Variants in NLGN3 observed in about 807,000 individuals in gnomAD.
NLGN3 encodes neuroligin-3.
Under a neutral mutation model 42.9 loss-of-function variants are expected in NLGN3, and 11 were observed. The observed-to-expected ratio is 0.26, with a 90% CI of 0.16 to 0.42. NLGN3 has a LOEUF of 0.42. NLGN3 is among the 10% of genes least tolerant of loss of function. The pLI is 1.00. For missense variants in NLGN3, 374 were observed against 733.8 expected (o/e 0.51, Z 5.67); for synonymous variants, 279 against 312.7 (o/e 0.89, Z 1.14).
At chrX:71,173,741 T>TG (rs1197288709), downstream of NLGN3, among the ~76,000 whole-genome samples, 1 of 112,354 alleles carries the variant, frequency 8.9e-6, no homozygotes, top group Non-Finnish European at 1.9e-5. Context: ...TTACATACTG[T>TG]GGGGGATAGA....
At chrX:71,172,416 A>C (rs2092472636), downstream of NLGN3, among the ~76,000 whole-genome samples, 1 of 110,893 alleles carries the variant, frequency 9.0e-6, no homozygotes, top group Admixed American at 9.6e-5. Context: ...AGTTAGTATT[A>C]GAAACAGACC....
In NLGN3 at chrX:71,163,903, T is replaced by A. The variant is rs1160974631; in HGVS notation, c.728-240T>A. On this transcript the variant is annotated intron_variant, in intron 5 of 7. Transcript: ENST00000358741. ...CCCACCTGGAGGCATGCACTTCAAA[T>A]GGTCTGCAGACCCCTCCTTCCAAGC... Among the ~76,000 whole-genome samples, 3 of 112,620 alleles carry A rather than the reference T, an allele frequency of 2.7e-5. No individual in the cohort carries two copies. The East Asian group carries it at 8.4e-4, about 31-fold the overall frequency.
In NLGN3 at chrX:71,170,213, G is replaced by A; in HGVS notation, c.*116G>A. The stretch of plus-strand genomic sequence containing the variant: ...CACACACACACACATATATGTATAC[G>A]CACGCACCCACACCCTACAGCAGAT... On this transcript the variant is annotated 3_prime_UTR_variant, in exon 8 of 8. Transcript: ENST00000358741. The A allele has an allele frequency of 3.4e-6, 4 of 1,162,393 alleles. No individual in the cohort carries two copies. Among genetic ancestry groups the A allele is most frequent in the Non-Finnish European group, 4.6e-6 (4 of 877,086 alleles).
At chrX:71,172,581 G>A (rs2092472855), downstream of NLGN3, among the ~76,000 whole-genome samples, 1 of 110,570 alleles carries the variant, frequency 9.0e-6, no homozygotes, top group South Asian at 3.8e-4. Flanking sequence ...GTCTGGAGAA[G>A]AGCATAAATA....
chrX:71,173,852 G>A (rs1467999568), downstream of NLGN3, among the ~76,000 whole-genome samples: 1 of 107,285 alleles, frequency 9.3e-6, no homozygotes, highest in Non-Finnish European at 1.9e-5. Flanking sequence ...AGGTTAAATG[G>A]ATTGGAGAAA....
chrX:71,156,031 A>G (rs777809499), intron 5 of NLGN3, among the ~76,000 whole-genome samples: 40 of 109,996 alleles, frequency 3.6e-4, no homozygotes, highest in African/African-American at 1.3e-3. Flanking sequence ...ACACACACAC[A>G]TGCTCATATA....
At chrX:71,159,649 TATAAG>T (rs1569484798) in intron 5 of NLGN3, among the ~76,000 whole-genome samples, 1 of 111,343 alleles carries the variant, frequency 9.0e-6, no homozygotes, top group East Asian at 2.8e-4. Context: ...GCCGGGTACA[TATAAG>T]ATGTTTGTTT....
At chrX:71,153,311 G>A (rs1207676141) in intron 3 of NLGN3, 166 bp from the exon 4 acceptor site, 2 of 539,426 alleles carry the variant, frequency 3.7e-6, no homozygotes, top group Admixed American at 2.6e-5. Context: ...GAAGGTCTGG[G>A]CCTCAGCCCA....
chrX:71,146,799 G>A (rs947182704), intron 1 of NLGN3, among the ~76,000 whole-genome samples: 1 of 111,621 alleles, frequency 9.0e-6, no homozygotes, highest in African/African-American at 3.3e-5. Context: ...CCCATGCTCC[G>A]TTGTTTATTT....
intron 3 of NLGN3, 41 bp from the exon 4 acceptor site, chrX:71,153,436 T>A: frequency 8.6e-7 from 1 of 1,166,740 alleles, no homozygotes; most frequent in Non-Finnish European, 1.2e-6. Flanking sequence ...TGTTTTGTTC[T>A]CTGTTCTGTG....
At chrX:71,164,386 C>T (rs1376106721) in intron 6 of NLGN3, 58 bp downstream of exon 6, 6 of 1,098,419 alleles carry the variant, frequency 5.5e-6, no homozygotes, top group Non-Finnish European at 7.4e-6. Context: ...CCCAGCATGC[C>T]CCATCCATGC....
chrX:71,155,172 G>A (rs771869723), intron 4 of NLGN3, 42 bp from the exon 5 acceptor site: 5 of 1,205,145 alleles, frequency 4.1e-6, no homozygotes, highest in South Asian at 1.8e-5. Flanking sequence ...GGGGGAGCAA[G>A]GGCATCCCAC....
At chrX:71,168,869 G>GAAAAAGAA (rs375278513) in intron 7 of NLGN3, among the ~76,000 whole-genome samples, 1 of 71,370 alleles carries the variant, frequency 1.4e-5, no homozygotes, top group African/African-American at 6.6e-5. Flanking sequence ...AAGAAAGAAA[G>GAAAAAGAA]AGAAAGAAAA....
At chrX:71,148,929 GGAGA>G (rs751286360) in intron 3 of NLGN3, 24 bp downstream of exon 3, 125 of 945,360 alleles carry the variant, frequency 1.3e-4, no homozygotes, top group South Asian at 4.0e-4. Context: ...CGGCGGGGAG[GGAGA>G]GAGAGAGAGA....
intron 2 of NLGN3, 63 bp from the exon 3 acceptor site, chrX:71,148,782 TG>T (rs1185276093): frequency 1.2e-4 from 120 of 966,505 alleles, no homozygotes; most frequent in Non-Finnish European, 1.5e-4. Context: ...GCCTGGGGGG[TG>T]GGGGGTGCAT....
chrX:71,148,929 GGA>G (rs751286360), intron 3 of NLGN3, 24 bp downstream of exon 3: 9,340 of 865,194 alleles, frequency 0.011, no homozygotes, highest in South Asian at 0.014. Flanking sequence ...CGGCGGGGAG[GGA>G]GAGAGAGAGA....
At position 71,170,708 on chromosome X, in the gene NLGN3, G is replaced by A. The variant is rs1023003142; in HGVS notation, c.*611G>A. On this transcript the variant is annotated 3_prime_UTR_variant, in exon 8 of 8. Transcript: ENST00000358741. ...CTCACACAATCAGACCAAGGAACAAGACCCCCAGGAAGGAAACAGATTTAA... is the reference window on the plus strand; with the variant it reads ...CTCACACAATCAGACCAAGGAACAAAACCCCCAGGAAGGAAACAGATTTAA... The A allele has an allele frequency of 5.3e-5, 40 of 760,988 alleles. No homozygotes were observed. Among genetic ancestry groups the A allele is most frequent in the Middle Eastern group, 7.4e-4 (1 of 1,354 alleles). 62.7% of individuals were successfully genotyped at this position (760,988 alleles called of 1,213,427 possible).
At chrX:71,162,903 C>T (rs2092435117) in intron 5 of NLGN3, among the ~76,000 whole-genome samples, 1 of 111,752 alleles carries the variant, frequency 8.9e-6, no homozygotes, top group Non-Finnish European at 1.9e-5. Flanking sequence ...AAATACTGAT[C>T]CAAGTGTGGG....
At chrX:71,165,359 T>C (rs2092443363) in intron 6 of NLGN3, among the ~76,000 whole-genome samples, 2 of 111,234 alleles carry the variant, frequency 1.8e-5, no homozygotes, top group African/African-American at 6.5e-5. Context: ...CTTCCCTTTT[T>C]CCCCAAAGGA....
Sources: gnomAD v4.1 joint callset for allele counts (sites outside exome capture counted in the v4.1 genomes callset) on GRCh38, gnomAD v4.1.1 for gene constraint, MANE v1.5 for transcripts, NCBI Gene and HGNC (gene_info 2026-07-23, HGNC 2026-07-21) for gene names.